The following ASTN2 variants were observed in gnomAD, a reference collection of about 807,000 sequenced individuals.
ASTN2 encodes the protein astrotactin-2.
ASTN2 carries 54 observed loss-of-function variants against 139.8 expected under a neutral mutation model. The observed-to-expected ratio is 0.39, with a 90% CI of 0.31 to 0.48. The LOEUF (loss-of-function observed/expected upper bound fraction) is 0.48. Ranked by LOEUF, ASTN2 falls within the 20% of genes least tolerant of loss-of-function variation. The pLI is 0.95. For synonymous variants in ASTN2, 756 were observed against 719.5 expected (o/e 1.05, Z -0.81); for missense variants, 1,565 against 1,725.1 (o/e 0.91, Z 1.64).
At chr9:116,838,094 T>C (rs1210659416) in intron 11 of ASTN2, among the ~76,000 whole-genome samples, 7 of 149,168 alleles carry the variant, frequency 4.7e-5, no homozygotes, top group African/African-American at 1.5e-4. Context: ...CAGTTCTGCC[T>C]GGCTGTGTTT....
intron 16 of ASTN2, among the ~76,000 whole-genome samples, chr9:116,664,662 C>T (rs899163039): frequency 6.7e-6 from 1 of 149,940 alleles, no homozygotes; most frequent in Admixed American, 6.7e-5. Context: ...ACAATCTCTA[C>T]AAATTATATA....
rs751026997 is a variant in ASTN2 at position 116,626,154 on chromosome 9, G to GTTTTT, written c.3073-5716_3073-5712dup. On this transcript the variant is annotated intron_variant, in intron 17 of 22. Transcript: ENST00000313400. ...ACCACCATGCCTGGTTAGTTTTTGT[G>GTTTTT]TTTTTTTTTTTTTTTTTTTTTTTTT... Among the ~76,000 whole-genome samples, 318 of 34,452 alleles carry GTTTTT rather than the reference G, an allele frequency of 9.2e-3. 10 individuals are homozygous for GTTTTT. Among genetic ancestry groups the GTTTTT allele is most frequent in the Non-Finnish European group, 0.015 (266 of 17,912 alleles). The allele number at this position is 34,452 out of a possible 152,430, so 22.6% of individuals were successfully genotyped here.
At chr9:116,440,475 C>T in intron 22 of ASTN2, 134 bp downstream of exon 22, 1 of 811,540 alleles carries the variant, frequency 1.2e-6, no homozygotes, top group African/African-American at 1.7e-5. Flanking sequence ...TATCTTTAGC[C>T]TTGACACGAC....
At chr9:117,375,548 A>C (rs951556193) in intron 1 of ASTN2, among the ~76,000 whole-genome samples, 1 of 152,340 alleles carries the variant, frequency 6.6e-6, no homozygotes, top group Non-Finnish European at 1.5e-5. Flanking sequence ...CATAAATCCT[A>C]TTAGAGTCAT....
chr9:116,501,562 A>G (rs1040654749), intron 19 of ASTN2, among the ~76,000 whole-genome samples: 1 of 152,118 alleles, frequency 6.6e-6, no homozygotes, highest in African/African-American at 2.4e-5. Context: ...GAATGGTTGA[A>G]CTAGTTTACA....
intron 3 of ASTN2, among the ~76,000 whole-genome samples, chr9:117,171,581 G>T (rs567615167): frequency 1.8e-4 from 27 of 152,212 alleles, no homozygotes; most frequent in African/African-American, 6.5e-4. Context: ...GGTGGGAAGT[G>T]ACTGGATCAT....
chr9:117,106,776 ATCTATCTATCTATCTG>A (rs1829115714), intron 4 of ASTN2, among the ~76,000 whole-genome samples: 2 of 152,110 alleles, frequency 1.3e-5, no homozygotes, highest in African/African-American at 2.4e-5. Context: ...AAAAATATCT[ATCTATCTATCTATCTG>A]TCTATCTATC....
At position 116,458,123 on chromosome 9, in the gene ASTN2, C is replaced by T. The variant is rs538539836; in HGVS notation, c.3498-15570G>A. On this transcript the variant is annotated intron_variant, in intron 20 of 22. Transcript: ENST00000313400. ...CAGAAAGACAAACTTTGCATGTTCT[C>T]ACTCATTTGTGAGAACTAAAATTAA... Among the ~76,000 whole-genome samples, 8 of 151,790 alleles carry T rather than the reference C, an allele frequency of 5.3e-5. No homozygotes were observed. The East Asian group carries it at 9.7e-4, about 18-fold the overall frequency.
At chr9:116,784,916 T>G in intron 13 of ASTN2, among the ~76,000 whole-genome samples, 1 of 104,732 alleles carries the variant, frequency 9.5e-6, no homozygotes, top group Non-Finnish European at 1.8e-5. Context: ...GCAACAAGAG[T>G]GAAACTCCGC....
At chr9:116,921,126 C>T (rs1271620474) in intron 10 of ASTN2, among the ~76,000 whole-genome samples, 1 of 151,994 alleles carries the variant, frequency 6.6e-6, no homozygotes, top group African/African-American at 2.4e-5. Flanking sequence ...AGGAGCAGGA[C>T]CATGAGAGAG....
At chr9:117,329,869 A>T (rs1261752117) in intron 1 of ASTN2, among the ~76,000 whole-genome samples, 2 of 152,308 alleles carry the variant, frequency 1.3e-5, no homozygotes, top group East Asian at 3.9e-4. Context: ...CTAAGCACAC[A>T]TTCTCCTAGG....
At chr9:116,590,672 A>G (rs1030231203) in intron 19 of ASTN2, among the ~76,000 whole-genome samples, 2 of 152,182 alleles carry the variant, frequency 1.3e-5, no homozygotes, top group Non-Finnish European at 2.9e-5. Flanking sequence ...GAGAACTTAC[A>G]GTGATTTTTC....
At chr9:117,390,835 A>G (rs1411437366) in intron 1 of ASTN2, among the ~76,000 whole-genome samples, 3 of 152,096 alleles carry the variant, frequency 2.0e-5, no homozygotes, top group African/African-American at 7.2e-5. Flanking sequence ...TGAGTTTTCA[A>G]CTCATTTGGG....
At chr9:116,653,143 C>T (rs1247359972) in intron 16 of ASTN2, among the ~76,000 whole-genome samples, 1 of 152,184 alleles carries the variant, frequency 6.6e-6, no homozygotes, top group African/African-American at 2.4e-5. Context: ...CTTTCAGTGC[C>T]AAACATGGTG....
chr9:116,454,453 C>G (rs893308625), intron 20 of ASTN2, among the ~76,000 whole-genome samples: 5 of 152,064 alleles, frequency 3.3e-5, no homozygotes, highest in Non-Finnish European at 7.4e-5. Flanking sequence ...GTTGGTGGGA[C>G]TGTAAACTAG....
intron 13 of ASTN2, among the ~76,000 whole-genome samples, chr9:116,768,896 A>G (rs1829884357): frequency 2.6e-5 from 4 of 152,218 alleles, no homozygotes; most frequent in Admixed American, 2.6e-4. Flanking sequence ...AATCTCATCT[A>G]AAATATTTTA....
At chr9:117,151,100 G>GTA (rs1214691816) in intron 3 of ASTN2, among the ~76,000 whole-genome samples, 2 of 151,756 alleles carry the variant, frequency 1.3e-5, no homozygotes, top group Admixed American at 1.3e-4. Context: ...TTGGCTCAAG[G>GTA]GGTCCTCCCA....
At chr9:116,531,985 G>T (rs1411256600) in intron 19 of ASTN2, among the ~76,000 whole-genome samples, 1 of 152,206 alleles carries the variant, frequency 6.6e-6, no homozygotes, top group Non-Finnish European at 1.5e-5. Context: ...CCCACCAACA[G>T]TGTAAAAGTG....
At chr9:117,352,168 C>T (rs1187059428) in intron 1 of ASTN2, among the ~76,000 whole-genome samples, 1 of 152,014 alleles carries the variant, frequency 6.6e-6, no homozygotes, top group African/African-American at 2.4e-5. Context: ...CAGGTCAGAC[C>T]CCAGAAAACA....
Sources: allele counts gnomAD v4.1 joint callset (sites outside exome capture counted in the v4.1 genomes callset), GRCh38; gene constraint gnomAD v4.1.1; transcripts MANE v1.5; gene names NCBI Gene and HGNC (gene_info 2026-07-23, HGNC 2026-07-21).